The following CHRM2 variants were observed in gnomAD, a reference collection of about 807,000 sequenced individuals.
CHRM2 encodes muscarinic acetylcholine receptor M2.
Under a neutral mutation model 25.0 loss-of-function variants are expected in CHRM2, and 8 were observed. That is an observed-to-expected ratio of 0.32 (90% CI 0.19 to 0.58). CHRM2 has a LOEUF of 0.58. CHRM2 is among the 20% of genes least tolerant of loss of function. The pLI, the probability that CHRM2 is intolerant of heterozygous loss-of-function variation, is 0.88. For synonymous variants in CHRM2, 202 were observed against 205.7 expected, an observed-to-expected ratio of 0.98 and a Z score of 0.15; for missense variants, 440 against 567.1, an observed-to-expected ratio of 0.78 and a Z score of 2.28.
chr7:136,877,730 A>G (rs1351586325), intron 2 of CHRM2, among the ~76,000 whole-genome samples: 1 of 152,024 alleles, frequency 6.6e-6, no homozygotes, highest in Non-Finnish European at 1.5e-5. Flanking sequence ...CTCTAGGAAT[A>G]AGAAAGTTAT....
chr7:136,971,392 G>T (rs1366418555), intron 2 of CHRM2, among the ~76,000 whole-genome samples: 1 of 152,068 alleles, frequency 6.6e-6, no homozygotes, highest in Non-Finnish European at 1.5e-5. Context: ...GAGGCAGGGG[G>T]ATCACCTGAG....
chr7:136,875,301 A>G (rs1318695525), intron 2 of CHRM2, among the ~76,000 whole-genome samples: 1 of 152,112 alleles, frequency 6.6e-6, no homozygotes, highest in Non-Finnish European at 1.5e-5. Context: ...TCTTACTTAC[A>G]TGATTGTGTG....
intron 3 of CHRM2, among the ~76,000 whole-genome samples, chr7:137,009,295 T>C (rs552149522): frequency 2.0e-5 from 3 of 152,258 alleles, no homozygotes; most frequent in East Asian, 1.9e-4. Context: ...AAATCTGTCA[T>C]TGTCAATATT....
chr7:136,938,139 T>C, intron 2 of CHRM2: 1 of 640,778 alleles, frequency 1.6e-6, no homozygotes, highest in South Asian at 1.7e-5. Flanking sequence ...TGTCTCCTCT[T>C]CTTGTCAGGA....
chr7:136,946,164 A>G (rs1009774510), intron 2 of CHRM2, among the ~76,000 whole-genome samples: 1 of 152,166 alleles, frequency 6.6e-6, no homozygotes, highest in Non-Finnish European at 1.5e-5. Flanking sequence ...AAGTTATATA[A>G]TGTATGTAAA....
intron 2 of CHRM2, among the ~76,000 whole-genome samples, chr7:136,965,893 T>C (rs1350549501): frequency 6.6e-6 from 1 of 151,934 alleles, no homozygotes; most frequent in African/African-American, 2.4e-5. Context: ...CCATGATGTG[T>C]TGACAAAAAA....
chr7:136,887,396 C>G (rs1269557562), intron 2 of CHRM2, among the ~76,000 whole-genome samples: 1 of 152,004 alleles, frequency 6.6e-6, no homozygotes, highest in African/African-American at 2.4e-5. Flanking sequence ...TTGTCAATCT[C>G]TGGTGACTTG....
At chr7:136,947,689 A>C (rs1421619583) in intron 2 of CHRM2, among the ~76,000 whole-genome samples, 1 of 152,144 alleles carries the variant, frequency 6.6e-6, no homozygotes, top group Non-Finnish European at 1.5e-5. Context: ...TATTATTATT[A>C]ATGTTTATAA....
intron 2 of CHRM2, among the ~76,000 whole-genome samples, chr7:136,961,122 TA>T (rs965395941): frequency 4.8e-4 from 71 of 147,706 alleles, no homozygotes; most frequent in African/African-American, 1.1e-3. Flanking sequence ...TAGACTTCAT[TA>T]AAAAAAAAAA....
intron 2 of CHRM2, among the ~76,000 whole-genome samples, chr7:136,967,602 G>T (rs117244355): frequency 0.022 from 3,372 of 151,986 alleles, 47 homozygotes; most frequent in South Asian, 0.04. Flanking sequence ...CACACATTAG[G>T]CCCTTCCAAC....
chr7:136,922,984 G>A (rs1404195868), intron 2 of CHRM2, among the ~76,000 whole-genome samples: 1 of 152,158 alleles, frequency 6.6e-6, no homozygotes, highest in African/African-American at 2.4e-5. Flanking sequence ...TAGGAATGGT[G>A]TAAAAGGGGT....
intron 2 of CHRM2, chr7:136,871,598 A>C (rs1176029256): frequency 6.6e-6 from 1 of 152,566 alleles, no homozygotes; most frequent in African/African-American, 2.4e-5. Context: ...ATGATAGGAA[A>C]TATATGCATT....
chr7:136,971,349 T>C (rs1457995501), intron 2 of CHRM2, among the ~76,000 whole-genome samples: 1 of 152,096 alleles, frequency 6.6e-6, no homozygotes. Context: ...TTTAAAGACT[T>C]GCTGGCCTGC....
chr7:137,011,234 T>TATATATATATATATAC (rs1804805275), intron 3 of CHRM2, among the ~76,000 whole-genome samples: 4 of 148,712 alleles, frequency 2.7e-5, no homozygotes, highest in Non-Finnish European at 4.4e-5. Flanking sequence ...TATATATATA[T>TATATATATATATATAC]GGATTTATTA....
chr7:136,937,637 T>C (rs1197114554), intron 2 of CHRM2, among the ~76,000 whole-genome samples: 1 of 152,198 alleles, frequency 6.6e-6, no homozygotes. Flanking sequence ...AAACACAACA[T>C]CTGGTTCAGT....
intron 3 of CHRM2, among the ~76,000 whole-genome samples, chr7:136,995,553 A>T (rs1277891021): frequency 6.6e-6 from 1 of 152,162 alleles, no homozygotes; most frequent in Non-Finnish European, 1.5e-5. Context: ...ACTTGAGCCC[A>T]GGAATTCAGG....
chr7:136,967,798 C>A (rs1801509761), intron 2 of CHRM2, among the ~76,000 whole-genome samples: 1 of 152,034 alleles, frequency 6.6e-6, no homozygotes, highest in Non-Finnish European at 1.5e-5. Flanking sequence ...GTCAGCTCCA[C>A]TGAAACTACA....
chr7:136,925,572 G>C (rs372295676), intron 2 of CHRM2, among the ~76,000 whole-genome samples: 3 of 151,390 alleles, frequency 2.0e-5, no homozygotes, highest in African/African-American at 7.3e-5. Context: ...GTCTACAATA[G>C]AAAATAAGGG....
intron 2 of CHRM2, among the ~76,000 whole-genome samples, chr7:136,977,511 T>C (rs1802182699): frequency 6.6e-6 from 1 of 152,152 alleles, no homozygotes; most frequent in Non-Finnish European, 1.5e-5. Flanking sequence ...CAAGTGCTGA[T>C]AGAAAGCTAG....
Sources: allele counts gnomAD v4.1 joint callset (sites outside exome capture counted in the v4.1 genomes callset), GRCh38; gene constraint gnomAD v4.1.1; transcripts MANE v1.5; gene names NCBI Gene and HGNC (gene_info 2026-07-23, HGNC 2026-07-21).